The following PXDNL variants were observed in gnomAD, a reference collection of about 807,000 sequenced individuals.
The protein encoded by PXDNL is peroxidasin like.
Under a neutral mutation model 150.8 loss-of-function variants are expected in PXDNL, and 145 were observed. That is an observed-to-expected ratio of 0.96 (90% CI 0.84 to 1.10). The LOEUF is 1.10. PXDNL is among the 50% of genes least tolerant of loss of function. The probability of loss-of-function intolerance (pLI) is 0.00; values close to 1 mark genes in which losing one functional copy is unlikely to be tolerated. For synonymous variants in PXDNL, 757 were observed against 725.7 expected (o/e 1.04, Z -0.69); for missense variants, 2,087 against 1,873.9 (o/e 1.11, Z -2.10).
At chr8:51,746,853 C>T (rs1013583680) in intron 1 of PXDNL, among the ~76,000 whole-genome samples, 2 of 152,148 alleles carry the variant, frequency 1.3e-5, no homozygotes, top group Non-Finnish European at 2.9e-5. Context: ...TCCCAAGTAG[C>T]TGGGACTACA....
At position 51,632,985 on chromosome 8, in the gene PXDNL, A is replaced by T. The variant is rs190453976; in HGVS notation, c.236+21704T>A. Among the ~76,000 whole-genome samples the T allele has an allele frequency of 1.5e-3, 222 of 152,168 alleles. 1 individual carries two copies. Among genetic ancestry groups the T allele is most frequent in the African/African-American group, 5.1e-3 (210 of 41,518 alleles). The stretch of plus-strand genomic sequence containing the variant: ...GATGCTGAGTTTTGGAGTATAAATG[A>T]TCCTGTCATACAGATAGTGATCGCA... On this transcript the variant is annotated intron_variant, in intron 2 of 22. Transcript: ENST00000356297.
intron 1 of PXDNL, among the ~76,000 whole-genome samples, chr8:51,762,904 C>T (rs1020338181): frequency 2.0e-5 from 3 of 152,074 alleles, no homozygotes; most frequent in African/African-American, 7.2e-5. Context: ...AATGAGAAAA[C>T]AAGCCAAAGG....
At chr8:51,342,132 G>C (rs185799582) in intron 20 of PXDNL, among the ~76,000 whole-genome samples, 70 of 152,026 alleles carry the variant, frequency 4.6e-4, no homozygotes, top group African/African-American at 1.6e-3. Flanking sequence ...CTCATGTTAA[G>C]TGTTCTTATC....
chr8:51,406,238 T>C (rs1422836546), intron 17 of PXDNL, among the ~76,000 whole-genome samples: 1 of 152,222 alleles, frequency 6.6e-6, no homozygotes, highest in Non-Finnish European at 1.5e-5. Flanking sequence ...GTCATACCCC[T>C]AACTTTTTCC....
At chr8:51,369,166 T>C (rs979543851) in intron 19 of PXDNL, among the ~76,000 whole-genome samples, 2 of 152,162 alleles carry the variant, frequency 1.3e-5, no homozygotes, top group Non-Finnish European at 2.9e-5. Flanking sequence ...GGTCCTTTAA[T>C]ACACCTTCTC....
intron 19 of PXDNL, among the ~76,000 whole-genome samples, chr8:51,359,523 G>C (rs1402064759): frequency 1.3e-5 from 2 of 151,484 alleles, no homozygotes; most frequent in African/African-American, 4.8e-5. Context: ...AGATTTGGAG[G>C]GTAGACCTAA....
At chr8:51,452,560 G>A (rs1424151711) in intron 10 of PXDNL, among the ~76,000 whole-genome samples, 1 of 152,154 alleles carries the variant, frequency 6.6e-6, no homozygotes, top group African/African-American at 2.4e-5. Flanking sequence ...GCTTTGTGGG[G>A]GCCAAGATCA....
intron 2 of PXDNL, 60 bp from the exon 3 acceptor site, chr8:51,592,758 A>ATT (rs1423205156): frequency 3.2e-6 from 4 of 1,248,332 alleles, no homozygotes. Context: ...GCAAACATTA[A>ATT]AATAGTTCTG....
intron 4 of PXDNL, among the ~76,000 whole-genome samples, chr8:51,552,479 T>C (rs564187563): frequency 1.3e-5 from 2 of 152,252 alleles, no homozygotes; most frequent in Admixed American, 6.5e-5. Context: ...TATATATATA[T>C]ACCATGAAAT....
chr8:51,423,476 TA>T, intron 14 of PXDNL, 98 bp downstream of exon 14: 1 of 938,936 alleles, frequency 1.1e-6, no homozygotes, highest in Non-Finnish European at 1.5e-6. Flanking sequence ...AAAGAAAGTA[TA>T]AGAGAGCATG....
intron 12 of PXDNL, among the ~76,000 whole-genome samples, chr8:51,446,341 G>A (rs1002191597): frequency 1.3e-5 from 2 of 152,162 alleles, no homozygotes; most frequent in African/African-American, 4.8e-5. Flanking sequence ...TGCTGAAAAC[G>A]CAGTTTAGGT....
chr8:51,471,785 C>G (rs1486975429), intron 8 of PXDNL, among the ~76,000 whole-genome samples: 1 of 151,552 alleles, frequency 6.6e-6, no homozygotes, highest in African/African-American at 2.4e-5. Flanking sequence ...CTCCCGGGTT[C>G]ACGCCATTCT....
At chr8:51,399,765 T>G (rs997555785) in intron 17 of PXDNL, among the ~76,000 whole-genome samples, 1 of 152,218 alleles carries the variant, frequency 6.6e-6, no homozygotes, top group African/African-American at 2.4e-5. Flanking sequence ...TTTAGTTTAG[T>G]TTAGTCAGAT....
At chr8:51,510,043 A>G (rs1321928641) in intron 4 of PXDNL, among the ~76,000 whole-genome samples, 1 of 152,022 alleles carries the variant, frequency 6.6e-6, no homozygotes, top group African/African-American at 2.4e-5. Flanking sequence ...TATTATCTAT[A>G]TTGCAGGGCT....
chr8:51,609,982 G>C (rs1420969024), intron 2 of PXDNL, among the ~76,000 whole-genome samples: 2 of 151,998 alleles, frequency 1.3e-5, no homozygotes, highest in Non-Finnish European at 1.5e-5. Flanking sequence ...TGCTGAAGGA[G>C]ATCAAGTTGC....
Position 51,472,308 on chromosome 8 carries a change from C to A in PXDNL, c.695-4G>T, listed in dbSNP as rs781367843. 1 of 1,603,868 alleles carries A rather than the reference C, an allele frequency of 6.2e-7. No individual in the cohort carries two copies. Among genetic ancestry groups the A allele is most frequent in the Non-Finnish European group, 8.5e-7 (1 of 1,172,186 alleles). Reference sequence around the variant, plus strand: ...TCAAAAGTAATTCGGGGGCTCTCTGCAACAAAAGAATTATTGATGTATTTT... The same window carrying A: ...TCAAAAGTAATTCGGGGGCTCTCTGAAACAAAAGAATTATTGATGTATTTT... On this transcript the variant is annotated splice_region_variant and splice_polypyrimidine_tract_variant and intron_variant, in intron 7 of 22. Coordinates refer to ENST00000356297, the MANE Select transcript of PXDNL (RefSeq NM_144651.5).
At chr8:51,724,818 T>C (rs1816794573) in intron 1 of PXDNL, among the ~76,000 whole-genome samples, 2 of 152,152 alleles carry the variant, frequency 1.3e-5, no homozygotes, top group Non-Finnish European at 2.9e-5. Flanking sequence ...GTGAGTGCCA[T>C]GAACTCTATT....
intron 1 of PXDNL, among the ~76,000 whole-genome samples, chr8:51,755,612 T>A (rs766953802): frequency 2.6e-5 from 4 of 152,206 alleles, no homozygotes; most frequent in Non-Finnish European, 5.9e-5. Context: ...TTTTGAGATG[T>A]CCTTATGATG....
At chr8:51,478,055 G>C (rs1248124257) in intron 6 of PXDNL, among the ~76,000 whole-genome samples, 1 of 151,984 alleles carries the variant, frequency 6.6e-6, no homozygotes. Flanking sequence ...ACTTTTATAT[G>C]ATAATCTGAG....
Sources: gnomAD v4.1 joint callset for allele counts (sites outside exome capture counted in the v4.1 genomes callset) on GRCh38, gnomAD v4.1.1 for gene constraint, MANE v1.5 for transcripts, NCBI Gene and HGNC (gene_info 2026-07-23, HGNC 2026-07-21) for gene names.